The following GTF2A1L variants were observed in gnomAD, a reference collection of about 807,000 sequenced individuals.
GTF2A1L encodes general transcription factor IIA subunit 1 like, also known as TFIIA-alpha and beta-like factor.
In GTF2A1L, 48 loss-of-function variants were observed where a neutral mutation model predicts 49.7. That is an observed-to-expected ratio of 0.97 (90% confidence interval 0.77 to 1.23). The LOEUF is 1.23. Among genes scored for constraint, GTF2A1L ranks in the 50% most tolerant of loss-of-function variants. GTF2A1L has a pLI of 0.00. For missense variants in GTF2A1L, 736 were observed against 564.8 expected, an observed-to-expected ratio of 1.30 and a Z score of -3.07; for synonymous variants, 246 against 193.5, an observed-to-expected ratio of 1.27 and a Z score of -2.25.
chr2:48,641,413 T>C (rs1028835444), intron 3 of GTF2A1L, among the ~76,000 whole-genome samples: 1 of 152,230 alleles, frequency 6.6e-6, no homozygotes, highest in Admixed American at 6.5e-5. Context: ...ATGAGTTGTT[T>C]GTTTTATGTG....
At chr2:48,661,320 A>G (rs1005164891) in intron 6 of GTF2A1L, among the ~76,000 whole-genome samples, 1 of 137,158 alleles carries the variant, frequency 7.3e-6, no homozygotes, top group African/African-American at 2.8e-5. Flanking sequence ...GAGTGGCACA[A>G]TCTCCGCTCA....
chr2:48,644,014 T>A (rs78261828), intron 4 of GTF2A1L, among the ~76,000 whole-genome samples: 7,413 of 151,848 alleles, frequency 0.049, 565 homozygotes, highest in African/African-American at 0.17. Flanking sequence ...AAAATTTTTT[T>A]AAAAAAATTA....
intron 3 of GTF2A1L, among the ~76,000 whole-genome samples, chr2:48,634,234 C>A (rs1213195842): frequency 1.3e-5 from 2 of 152,192 alleles, no homozygotes; most frequent in African/African-American, 2.4e-5. Flanking sequence ...GCCTCAGCTT[C>A]CTGAGTAGCT....
In GTF2A1L at chr2:48,630,142, A is replaced by G. The variant is rs1676496190; in HGVS notation, c.247+8852A>G. ...ATGAATTTTAGAACAGTTTTTTTCT[A>G]GTTCTGTGAAAAATGACATTGGTGG... On this transcript the variant is annotated intron_variant, in intron 3 of 8. Coordinates refer to ENST00000403751, the MANE Select transcript of GTF2A1L (RefSeq NM_006872.5). Among the ~76,000 whole-genome samples, 3 of 143,690 alleles carry G rather than the reference A, an allele frequency of 2.1e-5. 1 individual carries two copies. The highest frequency in any genetic ancestry group is 4.7e-5 in the Non-Finnish European group (3 of 63,852). The allele number at this position is 143,690 out of a possible 152,430, so 94.3% of individuals were successfully genotyped here.
At chr2:48,661,210 A>T (rs1326740867) in intron 6 of GTF2A1L, among the ~76,000 whole-genome samples, 4 of 141,586 alleles carry the variant, frequency 2.8e-5, no homozygotes, top group African/African-American at 8.0e-5. Flanking sequence ...AAGCACTTAT[A>T]CATGTCCCTC....
At chr2:48,634,872 C>T (rs1676797317) in intron 3 of GTF2A1L, among the ~76,000 whole-genome samples, 1 of 152,128 alleles carries the variant, frequency 6.6e-6, no homozygotes, top group Non-Finnish European at 1.5e-5. Context: ...AGGGCAGGGG[C>T]CATGAAGAGT....
intron 6 of GTF2A1L, among the ~76,000 whole-genome samples, chr2:48,654,849 C>G (rs1024398749): frequency 1.3e-5 from 2 of 152,164 alleles, no homozygotes; most frequent in African/African-American, 4.8e-5. Context: ...AAGGTTCACT[C>G]TGTTTCATTA....
chr2:48,669,575 TA>T, intron 6 of GTF2A1L, 146 bp from the exon 7 acceptor site: 3 of 982,072 alleles, frequency 3.1e-6, no homozygotes, highest in Non-Finnish European at 4.2e-6. Context: ...AGGCTTATTC[TA>T]AAATTCAAAG....
At chr2:48,648,222 GT>G (rs34433603) in intron 6 of GTF2A1L, among the ~76,000 whole-genome samples, 1 of 151,606 alleles carries the variant, frequency 6.6e-6, no homozygotes, top group African/African-American at 2.4e-5. Context: ...TTTTATTGAG[GT>G]TTTTTTTACG....
At chr2:48,620,661 C>T (rs1202158432) in intron 1 of GTF2A1L, among the ~76,000 whole-genome samples, 190 bp from the exon 2 acceptor site, 1 of 152,144 alleles carries the variant, frequency 6.6e-6, no homozygotes, top group Non-Finnish European at 1.5e-5. Flanking sequence ...CCTGTAATCG[C>T]ACCTACTCAG....
At chr2:48,619,507 A>G (rs1426726269) in intron 1 of GTF2A1L, among the ~76,000 whole-genome samples, 4 of 151,756 alleles carry the variant, frequency 2.6e-5, no homozygotes, top group African/African-American at 2.4e-5. Flanking sequence ...AAAAAAAAGC[A>G]CAGCTACTCT....
chr2:48,678,264 C>T (rs1436210807), intron 8 of GTF2A1L, among the ~76,000 whole-genome samples: 1 of 151,770 alleles, frequency 6.6e-6, no homozygotes, highest in African/African-American at 2.4e-5. Context: ...ATTTTATTAC[C>T]TGTGCTGAGT....
chr2:48,669,108 C>T (rs901870104), intron 6 of GTF2A1L, among the ~76,000 whole-genome samples: 1 of 152,056 alleles, frequency 6.6e-6, no homozygotes, highest in East Asian at 1.9e-4. Context: ...GTTGTACAAC[C>T]ATCCCCACTC....
intron 3 of GTF2A1L, among the ~76,000 whole-genome samples, chr2:48,623,827 G>A (rs1027049310): frequency 6.6e-6 from 1 of 152,170 alleles, no homozygotes; most frequent in Non-Finnish European, 1.5e-5. Context: ...ACCATATATT[G>A]CATGTTCTCA....
chr2:48,675,927 AT>A (rs1443006681), intron 8 of GTF2A1L, among the ~76,000 whole-genome samples: 1 of 151,852 alleles, frequency 6.6e-6, no homozygotes, highest in Non-Finnish European at 1.5e-5. Flanking sequence ...CTTTGAATAG[AT>A]AGTGCATACA....
rs62137485 is a variant in GTF2A1L, at chr2:48,621,159, C to G, written c.124-8C>G. On this transcript the variant is annotated splice_polypyrimidine_tract_variant and splice_region_variant and intron_variant, in intron 2 of 8. Coordinates refer to ENST00000403751, the MANE Select transcript of GTF2A1L (RefSeq NM_006872.5). ...TTTTAAAGTAAACTTTTTTTTTCCC[C>G]TCTGCAGCTCTGGGAAACCAAGGTT... 2 of 1,601,516 alleles carry G rather than the reference C, an allele frequency of 1.2e-6. No individual in the cohort carries two copies. The highest frequency in any genetic ancestry group is 4.5e-5 in the East Asian group (2 of 44,792).
intron 6 of GTF2A1L, among the ~76,000 whole-genome samples, chr2:48,665,219 G>C (rs918805912): frequency 4.0e-5 from 6 of 151,650 alleles, no homozygotes; most frequent in Non-Finnish European, 5.9e-5. Flanking sequence ...ACCCTGCCTG[G>C]CCAGGTTTTT....
intron 4 of GTF2A1L, among the ~76,000 whole-genome samples, chr2:48,643,422 G>C (rs142068928): frequency 2.4e-4 from 36 of 152,146 alleles, no homozygotes; most frequent in African/African-American, 8.4e-4. Context: ...TGCTTAGTGG[G>C]CTAGTTATTT....
At chr2:48,632,251 A>G (rs1676622668) in intron 3 of GTF2A1L, 1 of 152,198 alleles carries the variant, frequency 6.6e-6, no homozygotes, top group Non-Finnish European at 1.5e-5. Flanking sequence ...TCATCCTAGT[A>G]GTGGCTTACA....
Sources: allele counts gnomAD v4.1 joint callset (sites outside exome capture counted in the v4.1 genomes callset), GRCh38; gene constraint gnomAD v4.1.1; transcripts MANE v1.5; gene names NCBI Gene and HGNC (gene_info 2026-07-23, HGNC 2026-07-21).